The following SLC4A10 variants were observed in gnomAD, a reference collection of about 807,000 sequenced individuals.
SLC4A10 encodes the protein solute carrier family 4 member 10.
Under a neutral mutation model 137.7 loss-of-function variants are expected in SLC4A10, and 42 were observed. That is an observed-to-expected ratio of 0.30 (90% CI 0.24 to 0.39). The LOEUF (loss-of-function observed/expected upper bound fraction) is 0.39, where lower values mean the gene tolerates loss of function less well. Among genes scored for constraint, SLC4A10 ranks in the 10% least tolerant of loss-of-function variants. The probability of loss-of-function intolerance (pLI) is 1.00; values close to 1 mark genes in which losing one functional copy is unlikely to be tolerated. For synonymous variants in SLC4A10, 474 were observed against 464.1 expected (o/e 1.02, Z -0.27); for missense variants, 925 against 1,355.0 (o/e 0.68, Z 4.98).
chr2:161,689,305 A>G (rs972957002), intron 1 of SLC4A10, among the ~76,000 whole-genome samples: 1 of 152,152 alleles, frequency 6.6e-6, no homozygotes, highest in East Asian at 1.9e-4. Context: ...ACCCAGAGCA[A>G]CTTCCAGTCC....
Position 161,869,841 on chromosome 2 carries a change from G to T in SLC4A10, c.767-2452G>T, listed in dbSNP as rs2060998386. ...TTAACTACTGCTCTGAAATATAAACGATATACAATTTGTGGTCTTTATGTC... is the reference window on the plus strand; with the variant it reads ...TTAACTACTGCTCTGAAATATAAACTATATACAATTTGTGGTCTTTATGTC... On this transcript the variant is annotated intron_variant, in intron 6 of 26. Transcript: ENST00000446997. Among the ~76,000 whole-genome samples, 3 of 151,338 alleles carry T rather than the reference G, an allele frequency of 2.0e-5. No homozygotes were observed. In the South Asian group the frequency reaches 6.2e-4, roughly 31 times the overall value.
chr2:161,936,504 C>G (rs2105702016), intron 15 of SLC4A10, among the ~76,000 whole-genome samples: 1 of 152,160 alleles, frequency 6.6e-6, no homozygotes, highest in African/African-American at 2.4e-5. Flanking sequence ...CTTCCTGATT[C>G]AACCTTAGTA....
At chr2:161,904,974 C>T (rs1245074350) in intron 14 of SLC4A10, 65 bp downstream of exon 14, 6 of 1,507,842 alleles carry the variant, frequency 4.0e-6, no homozygotes, top group Non-Finnish European at 1.8e-6. Context: ...TTATACTTCT[C>T]CCAACATCAC....
intron 10 of SLC4A10, among the ~76,000 whole-genome samples, chr2:161,884,905 T>C (rs1481211977): frequency 6.6e-6 from 1 of 152,104 alleles, no homozygotes; most frequent in Non-Finnish European, 1.5e-5. Context: ...AGGCCAGGTG[T>C]AATGGCTTAC....
chr2:161,943,104 G>T (rs1348958356), intron 16 of SLC4A10, among the ~76,000 whole-genome samples: 1 of 152,046 alleles, frequency 6.6e-6, no homozygotes, highest in Non-Finnish European at 1.5e-5. Context: ...GACCAGAATT[G>T]CTCAAATAGC....
At chr2:161,686,419 G>T (rs1202853941) in intron 1 of SLC4A10, among the ~76,000 whole-genome samples, 1 of 152,068 alleles carries the variant, frequency 6.6e-6, no homozygotes, top group East Asian at 1.9e-4. Flanking sequence ...AACTAGTATT[G>T]ATGAGGCAAG....
chr2:161,974,360 G>A lies in SLC4A10; in HGVS notation c.3227+44G>A, dbSNP rs530679200. 9.4e-5 allele frequency: 136 copies of A among 1,444,794 alleles called. No homozygotes were observed. In the South Asian group the frequency reaches 1.6e-3, roughly 17 times the overall value. The allele number at this position is 1,444,794 out of a possible 1,614,324, so 89.5% of individuals were successfully genotyped here. On this transcript the variant is annotated intron_variant, in intron 24 of 26. Coordinates refer to ENST00000446997, the MANE Select transcript of SLC4A10 (RefSeq NM_001178015.2). ...AACACATCAATTAAAGTAATGAAAT[G>A]CATTGTTATATACTTTAAGAATTTC...
chr2:161,745,212 A>G (rs532102318), intron 1 of SLC4A10, among the ~76,000 whole-genome samples: 1 of 152,084 alleles, frequency 6.6e-6, no homozygotes, highest in African/African-American at 2.4e-5. Flanking sequence ...TTTTGGGGCT[A>G]TAGTCTAGAT....
chr2:161,964,389 G>A, intron 22 of SLC4A10, 81 bp downstream of exon 22: 2 of 1,393,882 alleles, frequency 1.4e-6, no homozygotes, highest in Non-Finnish European at 2.0e-6. Flanking sequence ...AATTGAAACT[G>A]GAACAACAGA....
At chr2:161,923,292 G>A (rs759921075) in intron 15 of SLC4A10, among the ~76,000 whole-genome samples, 6 of 152,172 alleles carry the variant, frequency 3.9e-5, no homozygotes, top group Non-Finnish European at 8.8e-5. Flanking sequence ...AGCACCACAA[G>A]TGAAAATTAT....
intron 4 of SLC4A10, among the ~76,000 whole-genome samples, chr2:161,842,541 G>A (rs150823736): frequency 6.6e-6 from 1 of 151,238 alleles, no homozygotes; most frequent in East Asian, 1.9e-4. Flanking sequence ...TTGCCTTTTG[G>A]AACACTTTAA....
intron 1 of SLC4A10, among the ~76,000 whole-genome samples, chr2:161,718,434 A>AT (rs1226649801): frequency 6.6e-6 from 1 of 152,164 alleles, no homozygotes; most frequent in African/African-American, 2.4e-5. Context: ...TGATGGCAGC[A>AT]TTTAGTGCTA....
At position 161,786,185 on chromosome 2, in the gene SLC4A10, C is replaced by CT. The variant is rs199894869; in HGVS notation, c.130+15139dup. On this transcript the variant is annotated intron_variant, in intron 2 of 26. Coordinates refer to ENST00000446997, the MANE Select transcript of SLC4A10 (RefSeq NM_001178015.2). ...GTCATTATATAATGTTATTCTTTGT[C>CT]TTTTTTTTAACTATTATTGGTATAA... is the stretch of plus-strand genomic sequence containing the variant. Among the ~76,000 whole-genome samples, 823 of 151,100 alleles carry CT rather than the reference C, an allele frequency of 5.4e-3. 6 individuals are homozygous for CT. The highest frequency in any genetic ancestry group is 7.8e-3 in the East Asian group (40 of 5,120).
intron 15 of SLC4A10, among the ~76,000 whole-genome samples, chr2:161,938,506 T>C (rs1282837732): frequency 6.6e-6 from 1 of 151,006 alleles, no homozygotes; most frequent in Non-Finnish European, 1.5e-5. Context: ...ATAGATTATA[T>C]TATAGATTAT....
At chr2:161,920,368 C>A (rs1418923219) in intron 15 of SLC4A10, among the ~76,000 whole-genome samples, 1 of 151,830 alleles carries the variant, frequency 6.6e-6, no homozygotes, top group African/African-American at 2.4e-5. Flanking sequence ...TCCCTAAGAA[C>A]AACCTCTAGA....
chr2:161,710,375 T>C (rs2044144685), intron 1 of SLC4A10, among the ~76,000 whole-genome samples: 1 of 151,788 alleles, frequency 6.6e-6, no homozygotes, highest in Non-Finnish European at 1.5e-5. Flanking sequence ...TTTTTCACTG[T>C]ATTCCTGACC....
At chr2:161,832,983 G>A (rs1428432222) in intron 3 of SLC4A10, among the ~76,000 whole-genome samples, 2 of 152,220 alleles carry the variant, frequency 1.3e-5, no homozygotes, top group South Asian at 2.1e-4. Context: ...CTCGTGATCC[G>A]CCCGCCTCAG....
chr2:161,800,542 T>A (rs1476555008), intron 2 of SLC4A10, among the ~76,000 whole-genome samples: 1 of 152,048 alleles, frequency 6.6e-6, no homozygotes, highest in Non-Finnish European at 1.5e-5. Context: ...TTGTAATTAT[T>A]GCCAATGAAA....
chr2:161,759,521 C>T (rs1284966536), intron 1 of SLC4A10, among the ~76,000 whole-genome samples: 1 of 151,990 alleles, frequency 6.6e-6, no homozygotes, highest in Non-Finnish European at 1.5e-5. Flanking sequence ...ACCTTCTACA[C>T]TCTGCTTATA....
Sources: gnomAD v4.1 joint callset for allele counts (sites outside exome capture counted in the v4.1 genomes callset) on GRCh38, gnomAD v4.1.1 for gene constraint, MANE v1.5 for transcripts, NCBI Gene and HGNC (gene_info 2026-07-23, HGNC 2026-07-21) for gene names.